KAZN: variants seen among roughly 807,000 people sequenced by gnomAD.
KAZN encodes kazrin, periplakin interacting protein.
A neutral mutation model predicts 87.4 loss-of-function variants in KAZN; 40 were observed. That is an observed-to-expected ratio of 0.46 (90% CI 0.36 to 0.60). KAZN has a LOEUF of 0.60. KAZN is among the 20% of genes least tolerant of loss of function. KAZN has a pLI of 0.00. For synonymous variants in KAZN, 466 were observed against 458.3 expected (o/e 1.02, Z -0.22); for missense variants, 898 against 1,073.9 (o/e 0.84, Z 2.29).
At position 14,858,214 on chromosome 1, in the gene KAZN, C is replaced by CTTT. The variant is rs71000342; in HGVS notation, c.227-102456_227-102454dup. Among the ~76,000 whole-genome samples the CTTT allele has an allele frequency of 7.7e-5, 9 of 117,044 alleles. 1 individual carries two copies. Among genetic ancestry groups the CTTT allele is most frequent in the Admixed American group, 2.7e-4 (3 of 11,020 alleles). The allele number at this position is 117,044 out of a possible 152,430, so 76.8% of individuals were successfully genotyped here. On this transcript the variant is annotated intron_variant, in intron 1 of 14. Transcript: ENST00000376030. ...TTTTTTTCTTTTTTCTTTTTCTTTT[C>CTTT]TTTTTTTTTTTTTTTTGAGACAAAG...
At chr1:13,926,544 G>T (rs1640284529) in intron 1 of KAZN, among the ~76,000 whole-genome samples, 1 of 151,958 alleles carries the variant, frequency 6.6e-6, no homozygotes, top group Non-Finnish European at 1.5e-5. Context: ...TACACGTGTA[G>T]CCAGTGACAT....
chr1:14,192,369 C>G (rs1411959362), intron 2 of KAZN, among the ~76,000 whole-genome samples: 2 of 152,172 alleles, frequency 1.3e-5, no homozygotes, highest in Non-Finnish European at 2.9e-5. Flanking sequence ...AGGGTGGGAG[C>G]TCTCCCTGAG....
rs144192396 is a variant in KAZN, at chr1:14,382,384, T to C, written c.249+201792T>C. On this transcript the variant is annotated intron_variant, in intron 2 of 16. Coordinates refer to the KAZN transcript ENST00000636203. ...GCACAATGTGCAGGTTACTTACATA[T>C]GTATACATGTACCATGCTGGTGCGC... Among the ~76,000 whole-genome samples, 239 of 151,358 alleles carry C rather than the reference T, an allele frequency of 1.6e-3. 6 individuals are homozygous for C. The East Asian group carries it at 0.038, about 24-fold the overall frequency.
chr1:15,106,667 G>A (rs906960791), intron 13 of KAZN, among the ~76,000 whole-genome samples: 1 of 152,040 alleles, frequency 6.6e-6, no homozygotes, highest in Non-Finnish European at 1.5e-5. Context: ...CTCTGTCCAG[G>A]CTCCACATTC....
At chr1:14,379,989 A>C (rs1360044915) in intron 2 of KAZN, among the ~76,000 whole-genome samples, 1 of 152,162 alleles carries the variant, frequency 6.6e-6, no homozygotes, top group African/African-American at 2.4e-5. Flanking sequence ...AGAGGTGTTT[A>C]TATCACCCCA....
intron 1 of KAZN, among the ~76,000 whole-genome samples, chr1:14,686,801 A>G (rs988263871): frequency 1.3e-5 from 2 of 152,210 alleles, no homozygotes; most frequent in Non-Finnish European, 2.9e-5. Flanking sequence ...GTGGGGCTGC[A>G]TGGCCCAAGG....
chr1:13,944,176 T>C (rs114565682), intron 1 of KAZN, among the ~76,000 whole-genome samples: 10,321 of 152,264 alleles, frequency 0.068, 510 homozygotes, highest in South Asian at 0.1. Context: ...TACAATGGAA[T>C]ACTATTCAGC....
chr1:14,981,409 A>T (rs975117501), intron 2 of KAZN, among the ~76,000 whole-genome samples: 1 of 152,242 alleles, frequency 6.6e-6, no homozygotes, highest in African/African-American at 2.4e-5. Flanking sequence ...CCACTAGCTT[A>T]TATGGAGTTT....
intron 2 of KAZN, among the ~76,000 whole-genome samples, chr1:14,961,911 G>A (rs890115966): frequency 1.3e-5 from 2 of 152,180 alleles, no homozygotes; most frequent in Admixed American, 6.5e-5. Context: ...GGCCGGTTGG[G>A]TGTATGTGTT....
At chr1:14,328,031 AT>A (rs1656565245) in intron 2 of KAZN, among the ~76,000 whole-genome samples, 1 of 152,330 alleles carries the variant, frequency 6.6e-6, no homozygotes, top group South Asian at 2.1e-4. Flanking sequence ...ATGAACAAAA[AT>A]GTCTGTGGCT....
At chr1:13,912,274 A>T (rs1175333317) in intron 1 of KAZN, among the ~76,000 whole-genome samples, 1 of 152,154 alleles carries the variant, frequency 6.6e-6, no homozygotes, top group Non-Finnish European at 1.5e-5. Flanking sequence ...TCCTGTGCCT[A>T]ATGAGTCCGC....
At chr1:14,530,443 C>T (rs1175566616) in intron 2 of KAZN, among the ~76,000 whole-genome samples, 2 of 152,160 alleles carry the variant, frequency 1.3e-5, no homozygotes, top group Non-Finnish European at 2.9e-5. Flanking sequence ...ATGTGTGTCT[C>T]CTCCAAATCT....
Position 14,191,036 on chromosome 1 carries a change from G to A in KAZN, c.249+10444G>A, listed in dbSNP as rs754236919. ...GAAAGAGGAAAATAGATTTGGTGAG[G>A]TTTTAGCCAGTCTCTGCAGCATGTG... On this transcript the variant is annotated intron_variant, in intron 2 of 16. Transcript: ENST00000636203. 5.1e-4 allele frequency among the ~76,000 whole-genome samples: 78 copies of A among 152,154 alleles called. 2 individuals carry two copies. Among genetic ancestry groups the A allele is most frequent in the Admixed American group, 5.2e-4 (8 of 15,270 alleles).
intron 1 of KAZN, among the ~76,000 whole-genome samples, chr1:14,633,339 A>G (rs1449411094): frequency 6.6e-6 from 1 of 152,204 alleles, no homozygotes; most frequent in Non-Finnish European, 1.5e-5. Context: ...TGTCATCACA[A>G]GAGTTCTTGT....
chr1:14,973,787 A>T (rs1261852065), intron 2 of KAZN, among the ~76,000 whole-genome samples: 3 of 152,200 alleles, frequency 2.0e-5, no homozygotes, highest in African/African-American at 7.2e-5. Flanking sequence ...ACCTCATCAT[A>T]TCCCACAGCA....
intron 1 of KAZN, among the ~76,000 whole-genome samples, chr1:14,847,568 G>T (rs1255667793): frequency 6.6e-6 from 1 of 152,168 alleles, no homozygotes; most frequent in Non-Finnish European, 1.5e-5. Flanking sequence ...GGTAAGAAGA[G>T]AATTTGGGAG....
intron 2 of KAZN, among the ~76,000 whole-genome samples, chr1:14,568,249 A>G (rs1021367866): frequency 1.3e-5 from 2 of 152,208 alleles, no homozygotes; most frequent in African/African-American, 4.8e-5. Context: ...GAAGGGAGTG[A>G]CAAGTGACCT....
chr1:13,978,684 A>T (rs2101068608), intron 1 of KAZN, among the ~76,000 whole-genome samples: 1 of 150,828 alleles, frequency 6.6e-6, no homozygotes, highest in African/African-American at 2.4e-5. Flanking sequence ...AAAAATCAGA[A>T]TTTTTTTTTT....
At chr1:14,123,910 C>T (rs1405254279) in intron 1 of KAZN, among the ~76,000 whole-genome samples, 3 of 152,168 alleles carry the variant, frequency 2.0e-5, no homozygotes, top group African/African-American at 7.2e-5. Flanking sequence ...TCACCAGCTC[C>T]CAAGTGGCCC....
Sources: gnomAD v4.1 joint callset for allele counts (sites outside exome capture counted in the v4.1 genomes callset) on GRCh38, gnomAD v4.1.1 for gene constraint, MANE v1.5 for transcripts, NCBI Gene and HGNC (gene_info 2026-07-23, HGNC 2026-07-21) for gene names.